Variants in NEBL observed in about 807,000 individuals in gnomAD.
NEBL encodes the protein LIM and SH3 protein 2.
NEBL carries 122 observed loss-of-function variants against 140.2 expected under a neutral mutation model. The observed-to-expected ratio is 0.87, with a 90% CI of 0.75 to 1.01. NEBL has a LOEUF of 1.01. Among genes scored for constraint, NEBL ranks in the 50% least tolerant of loss-of-function variants. The pLI, the probability that NEBL is intolerant of heterozygous loss-of-function variation, is 0.00. For synonymous variants in NEBL, 436 were observed against 398.9 expected (o/e 1.09, Z -1.11); for missense variants, 1,365 against 1,231.3 (o/e 1.11, Z -1.62).
intron 3 of NEBL, among the ~76,000 whole-genome samples, chr10:21,214,470 C>G (rs1841958929): frequency 6.6e-6 from 1 of 151,482 alleles, no homozygotes; most frequent in Non-Finnish European, 1.5e-5. Context: ...ACATGGCACA[C>G]ACATGCACAC....
chr10:20,807,135 G>C (rs1400224836), intron 26 of NEBL, among the ~76,000 whole-genome samples: 2 of 152,040 alleles, frequency 1.3e-5, no homozygotes, highest in African/African-American at 4.8e-5. Context: ...GACCAGCATG[G>C]ACAACATTGC....
chr10:21,221,177 A>G (rs1430203142), intron 3 of NEBL, among the ~76,000 whole-genome samples: 1 of 152,158 alleles, frequency 6.6e-6, no homozygotes, highest in Admixed American at 6.6e-5. Flanking sequence ...AAAAATAACT[A>G]CATGAAGTGA....
chr10:21,237,142 A>T (rs1842364671), intron 3 of NEBL, among the ~76,000 whole-genome samples: 1 of 152,152 alleles, frequency 6.6e-6, no homozygotes, highest in South Asian at 2.1e-4. Context: ...CATTGTCAAA[A>T]TCCTGTCAAA....
intron 2 of NEBL, among the ~76,000 whole-genome samples, chr10:21,054,257 T>C (rs1834912778): frequency 6.6e-6 from 1 of 152,138 alleles, no homozygotes; most frequent in Admixed American, 6.5e-5. Flanking sequence ...CTGTTTTCTG[T>C]TTGTTGTTAT....
At position 20,897,285 on chromosome 10, in the gene NEBL, T is replaced by C; in HGVS notation, c.-80A>G. 1 of 1,516,380 alleles carries C rather than the reference T, an allele frequency of 6.6e-7. No individual in the cohort carries two copies. Among genetic ancestry groups the C allele is most frequent in the Non-Finnish European group, 8.8e-7 (1 of 1,140,822 alleles). The allele number at this position is 1,516,380 out of a possible 1,614,324, so 93.9% of individuals were successfully genotyped here. A position where few individuals can be genotyped will look rare whatever the true frequency, so the allele number is the denominator to read the frequency against. On this transcript the variant is annotated 5_prime_UTR_variant, in exon 1 of 28. Transcript: ENST00000377122. ...CCATACCACAGTGCCCTTGAGATGC[T>C]GACGTCTCTGGTGCTCTGGCAGAAA... is the stretch of plus-strand genomic sequence containing the variant.
chr10:20,970,422 T>TGCCAAGGCAA (rs1335640024), intron 3 of NEBL, among the ~76,000 whole-genome samples: 1 of 152,082 alleles, frequency 6.6e-6, no homozygotes, highest in Non-Finnish European at 1.5e-5. Flanking sequence ...GAGGATCACT[T>TGCCAAGGCAA]GAGCCCAGGA....
At chr10:21,015,739 C>T (rs1838530014) in intron 3 of NEBL, among the ~76,000 whole-genome samples, 1 of 152,162 alleles carries the variant, frequency 6.6e-6, no homozygotes, top group African/African-American at 2.4e-5. Flanking sequence ...TGTCAAACTC[C>T]TAGCCTCAAG....
chr10:20,849,896 C>T (rs1842338192), intron 11 of NEBL, among the ~76,000 whole-genome samples: 1 of 152,042 alleles, frequency 6.6e-6, no homozygotes, highest in South Asian at 2.1e-4. Context: ...GAACACCTTC[C>T]TAGCATCATT....
intron 2 of NEBL, among the ~76,000 whole-genome samples, chr10:21,044,470 A>G (rs546407472): frequency 9.1e-4 from 128 of 140,052 alleles, no homozygotes; most frequent in Non-Finnish European, 1.7e-3. Flanking sequence ...CTCTTTTTCC[A>G]GGAACATCTT....
chr10:20,815,672 T>G lies in NEBL; in HGVS notation c.2194A>C (p.Thr732Pro). The change falls in exon 22 of 28, where the codon ACT becomes CCT. Residue 732 changes from threonine (T) to proline (P), a missense_variant. By Grantham distance (38) the Thr-to-Pro change is conservative. Transcript: ENST00000377122. ...QLGRATTLSV[T>P]PEMERVKKNQ... ...TTCTTCACTCTTTCCATTTCAGGAG[T>G]TACACTTAAAGTGGTAGCTCTTCCC... is the stretch of plus-strand genomic sequence containing the variant. 6.2e-7 allele frequency: 1 copy of G among 1,613,098 alleles called. No homozygotes were observed. The highest frequency in any genetic ancestry group is 1.3e-5 in the African/African-American group (1 of 75,036).
chr10:21,124,316 A>C (rs1838714755), intron 2 of NEBL, among the ~76,000 whole-genome samples: 1 of 152,252 alleles, frequency 6.6e-6, no homozygotes, highest in South Asian at 2.1e-4. Flanking sequence ...GGAAAAGATC[A>C]ATAAATTATG....
chr10:21,267,573 G>A (rs1419264264), intron 1 of NEBL, among the ~76,000 whole-genome samples: 2 of 152,164 alleles, frequency 1.3e-5, no homozygotes, highest in Non-Finnish European at 2.9e-5. Context: ...TCTTTCTCAC[G>A]CAAGACTTCT....
At chr10:20,850,044 T>A (rs1034817048) in intron 11 of NEBL, among the ~76,000 whole-genome samples, 5 of 152,118 alleles carry the variant, frequency 3.3e-5, no homozygotes, top group African/African-American at 1.2e-4. Context: ...CAGCTATTCG[T>A]TTTTAGTTTT....
At chr10:20,895,423 G>A (rs1847392580) in intron 2 of NEBL, among the ~76,000 whole-genome samples, 2 of 152,142 alleles carry the variant, frequency 1.3e-5, no homozygotes, top group South Asian at 4.1e-4. Context: ...AACTATTACT[G>A]CCTCTGCTTA....
intron 4 of NEBL, among the ~76,000 whole-genome samples, chr10:20,929,969 G>T (rs370842458): frequency 2.0e-5 from 3 of 152,056 alleles, no homozygotes; most frequent in African/African-American, 7.2e-5. Context: ...TTGGTACTGG[G>T]CCACTTCTCA....
chr10:21,255,358 C>T (rs1842643572), intron 1 of NEBL, among the ~76,000 whole-genome samples: 2 of 152,020 alleles, frequency 1.3e-5, no homozygotes, highest in African/African-American at 2.4e-5. Flanking sequence ...CTGAGAGATG[C>T]TGACTCGGGT....
intron 4 of NEBL, among the ~76,000 whole-genome samples, chr10:20,887,085 A>C (rs943120785): frequency 2.0e-5 from 3 of 152,216 alleles, no homozygotes; most frequent in Non-Finnish European, 4.4e-5. Context: ...TGAAGAAAAC[A>C]CAACATTAAG....
At chr10:20,813,782 C>A in intron 23 of NEBL, 157 bp downstream of exon 23, 1 of 646,984 alleles carries the variant, frequency 1.5e-6, no homozygotes, top group South Asian at 1.7e-5. Context: ...GTTTCCACTG[C>A]ATTTCAGTGT....
intron 2 of NEBL, among the ~76,000 whole-genome samples, chr10:21,093,702 T>C (rs570570613): frequency 2.4e-4 from 36 of 152,376 alleles, no homozygotes; most frequent in African/African-American, 8.2e-4. Context: ...CAGATCTCTG[T>C]CTTGTTCAGG....
Sources: allele counts gnomAD v4.1 joint callset (sites outside exome capture counted in the v4.1 genomes callset), GRCh38; gene constraint gnomAD v4.1.1; transcripts MANE v1.5; gene names NCBI Gene and HGNC (gene_info 2026-07-23, HGNC 2026-07-21).